Variants in GPHN observed in about 807,000 individuals in gnomAD.
The protein encoded by GPHN is gephyrin.
GPHN carries 17 observed loss-of-function variants against 95.5 expected under a neutral mutation model. The observed-to-expected ratio is 0.18, with a 90% CI of 0.12 to 0.27. The LOEUF (loss-of-function observed/expected upper bound fraction) is 0.27. Ranked by LOEUF, GPHN falls within the 10% of genes least tolerant of loss-of-function variation. GPHN has a pLI of 1.00. For missense variants in GPHN, 660 were observed against 978.1 expected (o/e 0.67, Z 4.34); for synonymous variants, 320 against 322.5 (o/e 0.99, Z 0.08).
intron 4 of GPHN, among the ~76,000 whole-genome samples, chr14:66,832,787 T>C (rs1197674508): frequency 1.3e-5 from 2 of 152,208 alleles, no homozygotes; most frequent in African/African-American, 4.8e-5. Context: ...ATTTAGCCAA[T>C]TCAGGCAAAA....
At chr14:67,243,867 A>T in the GPHN span, among the ~76,000 whole-genome samples, 1 of 152,138 alleles carries the variant, frequency 6.6e-6, no homozygotes, top group African/African-American at 2.4e-5. Context: ...GTGGTTATAT[A>T]GTCTAACCTC....
chr14:67,617,970 C>T, the GPHN span, among the ~76,000 whole-genome samples: 2 of 152,072 alleles, frequency 1.3e-5, no homozygotes, highest in South Asian at 2.1e-4. Context: ...CCACCTGCCT[C>T]GGCCTCCCAA....
At chr14:67,681,662 G>A in the GPHN span, among the ~76,000 whole-genome samples, 3 of 152,116 alleles carry the variant, frequency 2.0e-5, no homozygotes, top group South Asian at 6.2e-4. Context: ...TGCACCTGTA[G>A]TCCCAGCTAC....
chr14:67,065,940 A>C (rs944575755), intron 11 of GPHN, among the ~76,000 whole-genome samples: 5 of 152,098 alleles, frequency 3.3e-5, no homozygotes, highest in Non-Finnish European at 2.9e-5. Context: ...ATTTACATTT[A>C]AGGTCCATAT....
intron 9 of GPHN, among the ~76,000 whole-genome samples, chr14:67,013,258 A>G (rs1380074105): frequency 6.6e-6 from 1 of 152,044 alleles, no homozygotes; most frequent in Non-Finnish European, 1.5e-5. Context: ...AGTCAAGGTT[A>G]TTTAGCTAGC....
At chr14:67,670,999 A>T in the GPHN span, among the ~76,000 whole-genome samples, 1 of 152,256 alleles carries the variant, frequency 6.6e-6, no homozygotes, top group Non-Finnish European at 1.5e-5. Context: ...CATGATGGGC[A>T]TTAAAGCTCT....
chr14:67,690,396 C>T, the GPHN span: 1 of 1,614,148 alleles, frequency 6.2e-7, no homozygotes, highest in South Asian at 1.1e-5. Flanking sequence ...GTTTCTCTAG[C>T]AGCAGATGGG....
chr14:67,541,283 G>A, the GPHN span, among the ~76,000 whole-genome samples: 1 of 152,122 alleles, frequency 6.6e-6, no homozygotes, highest in East Asian at 1.9e-4. Context: ...TGTGACCTTG[G>A]ATGCATCTGT....
intron 1 of GPHN, among the ~76,000 whole-genome samples, chr14:66,558,496 A>T (rs1191724220): frequency 6.6e-6 from 1 of 152,170 alleles, no homozygotes; most frequent in African/African-American, 2.4e-5. Flanking sequence ...ATATAATGAT[A>T]TTCATCAAAC....
At chr14:67,571,663 G>A in the GPHN span, 58 of 1,384,126 alleles carry the variant, frequency 4.2e-5, no homozygotes, top group Middle Eastern at 1.8e-4. Context: ...GCCACACCAT[G>A]GGCACTTGGA....
chr14:67,159,360 G>C (rs1263501508), intron 18 of GPHN, 55 bp from the exon 19 acceptor site: 2 of 982,006 alleles, frequency 2.0e-6, no homozygotes, highest in Admixed American at 3.4e-5. Context: ...TTAAAGTGTT[G>C]AAAGTCTAAT....
At chr14:67,100,706 A>G in intron 12 of GPHN, 150 bp from the exon 13 acceptor site, 1 of 681,282 alleles carries the variant, frequency 1.5e-6, no homozygotes, top group Non-Finnish European at 2.7e-6. Flanking sequence ...TAACAAAGCC[A>G]TTGTCAAGTC....
At chr14:66,883,788 A>C (rs1859767639) in intron 5 of GPHN, among the ~76,000 whole-genome samples, 1 of 152,046 alleles carries the variant, frequency 6.6e-6, no homozygotes, top group African/African-American at 2.4e-5. Flanking sequence ...AGTTAGTTTG[A>C]GACTTGGGCA....
At chr14:66,541,402 A>G (rs188342119) in intron 1 of GPHN, among the ~76,000 whole-genome samples, 2 of 152,346 alleles carry the variant, frequency 1.3e-5, no homozygotes, top group East Asian at 3.9e-4. Flanking sequence ...AATAAAAGTC[A>G]AGAACCAAAA....
At chr14:66,984,034 A>G (rs961173416) in intron 9 of GPHN, among the ~76,000 whole-genome samples, 7 of 152,196 alleles carry the variant, frequency 4.6e-5, no homozygotes, top group African/African-American at 1.4e-4. Flanking sequence ...AGCTTAATGT[A>G]ATTTTAAGCC....
the GPHN span, chr14:67,586,199 G>T: frequency 1.5e-6 from 2 of 1,361,650 alleles, no homozygotes; most frequent in Non-Finnish European, 1.0e-6. Context: ...CAAGGGCCCT[G>T]CCCAGATAAA....
At chr14:67,293,216 G>C in the GPHN span, among the ~76,000 whole-genome samples, 3 of 152,146 alleles carry the variant, frequency 2.0e-5, no homozygotes, top group East Asian at 1.9e-4. Flanking sequence ...TTGTTAACAT[G>C]ATGACTTAAA....
chr14:66,719,696 G>C (rs947703434), intron 2 of GPHN, among the ~76,000 whole-genome samples: 5 of 152,106 alleles, frequency 3.3e-5, no homozygotes, highest in Admixed American at 3.3e-4. Context: ...ACAAATTTGT[G>C]AAAAACGTAT....
At chr14:66,656,133 T>C (rs558863659) in intron 1 of GPHN, among the ~76,000 whole-genome samples, 2 of 152,158 alleles carry the variant, frequency 1.3e-5, no homozygotes, top group Non-Finnish European at 2.9e-5. Context: ...ATTTGGATAT[T>C]CCCTCCTTTG....
Sources: gnomAD v4.1 joint callset for allele counts (sites outside exome capture counted in the v4.1 genomes callset) on GRCh38, gnomAD v4.1.1 for gene constraint, MANE v1.5 for transcripts, NCBI Gene and HGNC (gene_info 2026-07-23, HGNC 2026-07-21) for gene names.